Variants in NME9 observed in about 807,000 individuals in gnomAD.
NME9 encodes the protein NME/NM23 family member 9.
Under a neutral mutation model 44.4 loss-of-function variants are expected in NME9, and 48 were observed. The observed-to-expected ratio is 1.08, with a 90% confidence interval of 0.86 to 1.37. The LOEUF (loss-of-function observed/expected upper bound fraction) is 1.37. Among genes scored for constraint, NME9 ranks in the 40% most tolerant of loss-of-function variants. The pLI is 0.00. For missense variants in NME9, 325 were observed against 405.2 expected (o/e 0.80, Z 1.70); for synonymous variants, 139 against 147.1 (o/e 0.94, Z 0.40).
intron 8 of NME9, among the ~76,000 whole-genome samples, chr3:138,263,267 C>G (rs2047932053): frequency 1.3e-5 from 2 of 152,332 alleles, no homozygotes; most frequent in South Asian, 4.1e-4. Flanking sequence ...GCAAGGGTTA[C>G]TTTTCTAAAA....
At chr3:138,291,408 C>T (rs531664923) in intron 8 of NME9, among the ~76,000 whole-genome samples, 19 of 152,326 alleles carry the variant, frequency 1.2e-4, no homozygotes, top group Admixed American at 9.1e-4. Context: ...ACTTTGCTAT[C>T]CCAGTCTCCT....
chr3:138,271,518 AAACTG>A (rs1217881627), intron 8 of NME9, among the ~76,000 whole-genome samples: 2 of 152,240 alleles, frequency 1.3e-5, no homozygotes, highest in African/African-American at 2.4e-5. Flanking sequence ...TTAATGTTGG[AAACTG>A]AACTCATTTC....
At chr3:138,322,315 G>A (rs922060572) in intron 2 of NME9, among the ~76,000 whole-genome samples, 5 of 146,178 alleles carry the variant, frequency 3.4e-5, no homozygotes, top group Non-Finnish European at 6.0e-5. Flanking sequence ...GGACGCCCTG[G>A]CTCTGTGAGG....
At position 138,321,370 on chromosome 3, in the gene NME9, C is replaced by T. The variant is rs76833655; in HGVS notation, c.92-1789G>A. Among the ~76,000 whole-genome samples, 736 of 152,336 alleles carry T rather than the reference C, an allele frequency of 4.8e-3. 3 individuals carry two copies. Among genetic ancestry groups the T allele is most frequent in the Admixed American group, 7.9e-3 (121 of 15,300 alleles). ...GGAGGAGAATTATACTGTGTCCTCACATGACGGAAGTCAAGGGCAAAAGGA... is the reference window on the plus strand; with the variant it reads ...GGAGGAGAATTATACTGTGTCCTCATATGACGGAAGTCAAGGGCAAAAGGA... On this transcript the variant is annotated intron_variant, in intron 2 of 10. Coordinates refer to ENST00000333911, the MANE Select transcript of NME9 (RefSeq NM_001349018.2).
chr3:138,271,555 T>G (rs1469882304), intron 8 of NME9, among the ~76,000 whole-genome samples: 1 of 152,208 alleles, frequency 6.6e-6, no homozygotes, highest in Non-Finnish European at 1.5e-5. Context: ...CTGTACAAAC[T>G]ATCTTATTCT....
intron 2 of NME9, among the ~76,000 whole-genome samples, chr3:138,322,048 A>G (rs2053496694): frequency 6.6e-6 from 1 of 152,168 alleles, no homozygotes; most frequent in South Asian, 2.1e-4. Context: ...TCTGAAGACA[A>G]GAGTTTCACA....
chr3:138,295,235 T>C (rs963295152), intron 8 of NME9, among the ~76,000 whole-genome samples: 1 of 152,118 alleles, frequency 6.6e-6, no homozygotes, highest in Non-Finnish European at 1.5e-5. Flanking sequence ...GGCCACCTTC[T>C]TCCCCCATCA....
chr3:138,286,654 A>G (rs1249667141), intron 8 of NME9, among the ~76,000 whole-genome samples: 1 of 152,184 alleles, frequency 6.6e-6, no homozygotes, highest in African/African-American at 2.4e-5. Context: ...TTCTTATTTA[A>G]TAGATCTAGG....
chr3:138,300,981 A>C (rs1453169584), downstream of NME9: 8 of 864,466 alleles, frequency 9.3e-6, no homozygotes, highest in African/African-American at 1.8e-5. Flanking sequence ...ATGGTTACCA[A>C]ATTAAGTTCT....
intron 4 of NME9, among the ~76,000 whole-genome samples, chr3:138,317,559 CTG>C (rs1388713298): frequency 6.6e-6 from 1 of 152,234 alleles, no homozygotes; most frequent in Non-Finnish European, 1.5e-5. Context: ...TTTCAAAACA[CTG>C]GGCCACTTGG....
intron 5 of NME9, 144 bp downstream of exon 5, chr3:138,315,383 C>G: frequency 1.6e-6 from 1 of 622,620 alleles, no homozygotes; most frequent in Non-Finnish European, 2.8e-6. Flanking sequence ...GGGCACAGTG[C>G]ATGAGGAACA....
intron 2 of NME9, among the ~76,000 whole-genome samples, chr3:138,323,743 A>G (rs908358959): frequency 3.3e-5 from 5 of 152,240 alleles, no homozygotes; most frequent in Non-Finnish European, 7.3e-5. Context: ...CTAAGATCAG[A>G]TACAAGCACA....
exon 9 of NME9, chr3:138,261,662 G>A (rs545862446): frequency 1.3e-5 from 2 of 152,152 alleles, no homozygotes; most frequent in Admixed American, 6.5e-5. Flanking sequence ...AGCTTCAAGA[G>A]GTTAAAGTTT....
intron 2 of NME9, among the ~76,000 whole-genome samples, chr3:138,322,228 C>T (rs2108461460): frequency 6.6e-6 from 1 of 152,242 alleles, no homozygotes; most frequent in East Asian, 1.9e-4. Context: ...AGCTGGGGCT[C>T]AATTAGCCTA....
chr3:138,324,413 T>G lies in NME9; in HGVS notation c.91+460A>C, dbSNP rs953287117. The G allele has an allele frequency of 1.3e-5, 6 of 453,438 alleles. No homozygotes were observed. In the Admixed American group the frequency reaches 1.4e-4, roughly 11 times the overall value. 28.1% of individuals were successfully genotyped at this position (453,438 alleles called of 1,614,324 possible). ...GTAAAGCACTAAGTTTCTGGGTAAA[T>G]TGCTAAGTGCAACAAATAACTGATG... On this transcript the variant is annotated intron_variant, in intron 2 of 10. Coordinates refer to ENST00000333911, the MANE Select transcript of NME9 (RefSeq NM_001349018.2).
intron 8 of NME9, among the ~76,000 whole-genome samples, chr3:138,273,647 AG>A (rs1306131155): frequency 6.6e-6 from 1 of 152,152 alleles, no homozygotes; most frequent in African/African-American, 2.4e-5. Context: ...ATGTTCCCCA[AG>A]AAACAATGCA....
In NME9 at chr3:138,301,678, G is replaced by T. The variant is rs1183978028; in HGVS notation, c.955C>A (p.Pro319Thr). Residue 319 changes from proline to threonine, a missense_variant, in exon 11 of 11, where the codon CCC becomes ACC. By Grantham distance (38) the Pro-to-Thr change is conservative. Transcript: ENST00000333911. ...QGGEAEATAGPTEALCFPEDV... is the reference protein window; with the variant it reads ...QGGEAEATAGTTEALCFPEDV... Reference sequence around the variant, plus strand: ...TCAGGAAAGCAAAGCGCCTCAGTGGGCCCCGCTGTTGCTTCAGCCTCACCG... The same window carrying T: ...TCAGGAAAGCAAAGCGCCTCAGTGGTCCCCGCTGTTGCTTCAGCCTCACCG... The T allele has an allele frequency of 1.3e-6, 2 of 1,536,028 alleles. No homozygotes were observed. The highest frequency in any genetic ancestry group is 2.4e-5 in the South Asian group (2 of 84,060).
intron 8 of NME9, chr3:138,264,327 T>G: frequency 1.4e-6 from 1 of 714,578 alleles, no homozygotes; most frequent in African/African-American, 1.8e-5. Flanking sequence ...TAGAGCATTT[T>G]GAACGTTTAT....
intron 9 of NME9, among the ~76,000 whole-genome samples, chr3:138,304,085 C>T (rs968779783): frequency 6.6e-6 from 1 of 152,182 alleles, no homozygotes; most frequent in Admixed American, 6.5e-5. Context: ...AAGCACTACT[C>T]GGTGAGATAT....
Sources: allele counts gnomAD v4.1 joint callset (sites outside exome capture counted in the v4.1 genomes callset), GRCh38; gene constraint gnomAD v4.1.1; transcripts MANE v1.5; gene names NCBI Gene and HGNC (gene_info 2026-07-23, HGNC 2026-07-21).